BRD10: variants seen among roughly 807,000 people sequenced by gnomAD.
The protein encoded by BRD10 is bromodomain containing 10, also known as uncharacterized bromodomain-containing protein 10.
the BRD10 span, among the ~76,000 whole-genome samples, chr9:5,880,099 T>C: frequency 3.9e-5 from 6 of 152,104 alleles, no homozygotes; most frequent in South Asian, 1.2e-3. Context: ...TTTTTTATTT[T>C]TAGTAGAGAC....
the BRD10 span, among the ~76,000 whole-genome samples, chr9:5,907,571 T>C: frequency 6.6e-6 from 1 of 152,234 alleles, no homozygotes; most frequent in South Asian, 2.1e-4. Flanking sequence ...CACCTTGAAA[T>C]AAATATTCTG....
At chr9:5,944,239 ATTGAT>A in the BRD10 span, among the ~76,000 whole-genome samples, 1 of 152,178 alleles carries the variant, frequency 6.6e-6, no homozygotes, top group Non-Finnish European at 1.5e-5. Context: ...AATAGGTGTT[ATTGAT>A]TTAATAAATA....
At chr9:5,938,741 T>C in the BRD10 span, among the ~76,000 whole-genome samples, 253 of 152,320 alleles carry the variant, frequency 1.7e-3, no homozygotes, top group Middle Eastern at 3.4e-3. Context: ...TAAAGGTAGA[T>C]TGATTTTCTC....
chr9:5,948,692 G>C, the BRD10 span, among the ~76,000 whole-genome samples: 1 of 151,928 alleles, frequency 6.6e-6, no homozygotes, highest in East Asian at 1.9e-4. Flanking sequence ...ATATTAAAAA[G>C]CAAAGCAAAA....
the BRD10 span, among the ~76,000 whole-genome samples, chr9:5,931,572 T>C: frequency 6.6e-6 from 1 of 152,226 alleles, no homozygotes; most frequent in African/African-American, 2.4e-5. Context: ...ATGTCTGTTA[T>C]CTTTTAACAT....
the BRD10 span, among the ~76,000 whole-genome samples, chr9:5,990,714 G>T: frequency 6.6e-6 from 1 of 152,096 alleles, no homozygotes; most frequent in African/African-American, 2.4e-5. Context: ...AACATGTAAA[G>T]ATAAAAAAGA....
At chr9:5,921,622 T>C in the BRD10 span, 6 of 1,614,022 alleles carry the variant, frequency 3.7e-6, no homozygotes, top group Non-Finnish European at 5.1e-6. Flanking sequence ...CATTTGTTGC[T>C]GCTGTTGCTT....
chr9:5,927,347 C>T, the BRD10 span, among the ~76,000 whole-genome samples: 2 of 152,124 alleles, frequency 1.3e-5, no homozygotes. Context: ...ACCAAATGTC[C>T]CTTCCTTTAC....
chr9:5,968,991 C>T, the BRD10 span: 2 of 1,609,480 alleles, frequency 1.2e-6, no homozygotes, highest in South Asian at 2.2e-5. Flanking sequence ...GGTTTTTCTT[C>T]CAATGGATTA....
chr9:5,968,950 C>T, the BRD10 span: 1 of 1,611,552 alleles, frequency 6.2e-7, no homozygotes, highest in East Asian at 2.2e-5. Context: ...TAAGTAGCCA[C>T]ACTTTTTGGT....
At chr9:5,924,854 AAATG>A in the BRD10 span, 2 of 1,466,306 alleles carry the variant, frequency 1.4e-6, no homozygotes, top group Non-Finnish European at 1.8e-6. Flanking sequence ...TCCTGAAATA[AAATG>A]CCCAACATAA....
chr9:5,969,736 G>T, the BRD10 span, among the ~76,000 whole-genome samples: 1 of 152,066 alleles, frequency 6.6e-6, no homozygotes, highest in African/African-American at 2.4e-5. Context: ...AGTAGAGACG[G>T]GGTTTCACCA....
At chr9:5,938,857 T>C in the BRD10 span, among the ~76,000 whole-genome samples, 12 of 152,226 alleles carry the variant, frequency 7.9e-5, no homozygotes, top group Admixed American at 7.8e-4. Context: ...AAACCCTAAA[T>C]AAAACTAATT....
chr9:5,908,981 G>A, the BRD10 span: 3 of 395,864 alleles, frequency 7.6e-6, no homozygotes, highest in Non-Finnish European at 9.1e-6. Flanking sequence ...AATCCATGGT[G>A]TTATTTTCTG....
At chr9:5,928,719 G>C in the BRD10 span, among the ~76,000 whole-genome samples, 1 of 152,216 alleles carries the variant, frequency 6.6e-6, no homozygotes, top group African/African-American at 2.4e-5. Flanking sequence ...CCTGACACCT[G>C]ATCAAAGAGT....
chr9:5,906,492 C>T, the BRD10 span, among the ~76,000 whole-genome samples: 2 of 152,252 alleles, frequency 1.3e-5, no homozygotes, highest in African/African-American at 4.8e-5. Context: ...GGCAGGTCTA[C>T]TGGCAATGAA....
At chr9:5,974,265 A>T in the BRD10 span, among the ~76,000 whole-genome samples, 1 of 152,202 alleles carries the variant, frequency 6.6e-6, no homozygotes, top group African/African-American at 2.4e-5. Flanking sequence ...GTCAAACTAG[A>T]ACTGCATAAC....
the BRD10 span, chr9:5,910,639 G>C: frequency 2.0e-5 from 3 of 152,248 alleles, no homozygotes; most frequent in African/African-American, 4.8e-5. Flanking sequence ...TTTCTCTGTG[G>C]AAAAGGCTCT....
the BRD10 span, chr9:5,919,129 CAT>C: frequency 3.3e-5 from 5 of 152,504 alleles, no homozygotes; most frequent in African/African-American, 9.7e-5. Context: ...GTAAACAAAA[CAT>C]AAATAAGACA....
Sources: allele counts gnomAD v4.1 joint callset (sites outside exome capture counted in the v4.1 genomes callset), GRCh38; gene constraint gnomAD v4.1.1; transcripts MANE v1.5; gene names NCBI Gene and HGNC (gene_info 2026-07-23, HGNC 2026-07-21).